Variants in KCNIP4 observed in about 807,000 individuals in gnomAD.
KCNIP4 encodes Kv channel-interacting protein 4.
In KCNIP4, 12 loss-of-function variants were observed where a neutral mutation model predicts 34.0. The observed-to-expected ratio is 0.35, with a 90% CI of 0.23 to 0.57. The LOEUF (loss-of-function observed/expected upper bound fraction) is 0.57. KCNIP4 is among the 20% of genes least tolerant of loss of function. KCNIP4 has a pLI of 0.83. For synonymous variants in KCNIP4, 124 were observed against 102.2 expected, an observed-to-expected ratio of 1.21 and a Z score of -1.29; for missense variants, 238 against 311.7, an observed-to-expected ratio of 0.76 and a Z score of 1.78.
intron 1 of KCNIP4, among the ~76,000 whole-genome samples, chr4:20,931,463 A>C (rs941617997): frequency 2.6e-5 from 4 of 152,100 alleles, no homozygotes; most frequent in African/African-American, 9.7e-5. Flanking sequence ...CTACTACACA[A>C]CTAGTCTATG....
chr4:21,797,420 C>T (rs985501922), intron 1 of KCNIP4, among the ~76,000 whole-genome samples: 10 of 152,130 alleles, frequency 6.6e-5, no homozygotes, highest in African/African-American at 2.2e-4. Context: ...GCTGGAATTA[C>T]AGGTATGAGC....
chr4:21,711,318 A>G, intron 1 of KCNIP4, among the ~76,000 whole-genome samples: 1 of 152,154 alleles, frequency 6.6e-6, no homozygotes, highest in East Asian at 1.9e-4. Context: ...CAAAAAATAC[A>G]AAAATTAGTT....
intron 3 of KCNIP4, among the ~76,000 whole-genome samples, chr4:20,762,256 T>C (rs986562087): frequency 1.3e-4 from 20 of 152,140 alleles, no homozygotes; most frequent in African/African-American, 4.1e-4. Context: ...AGGACACTTA[T>C]CTAATTCATG....
At chr4:21,374,528 G>A (rs1456656868) in intron 1 of KCNIP4, among the ~76,000 whole-genome samples, 1 of 147,262 alleles carries the variant, frequency 6.8e-6, no homozygotes. Context: ...AGAGATTTGG[G>A]TGGGGACATA....
At chr4:21,747,944 G>C (rs1577934853) in intron 1 of KCNIP4, among the ~76,000 whole-genome samples, 2 of 152,100 alleles carry the variant, frequency 1.3e-5, no homozygotes, top group African/African-American at 4.8e-5. Flanking sequence ...CAGAGGCTAA[G>C]GTGAGAGCAA....
chr4:21,260,794 A>G (rs912586922), intron 1 of KCNIP4, among the ~76,000 whole-genome samples: 3 of 152,194 alleles, frequency 2.0e-5, no homozygotes, highest in African/African-American at 7.2e-5. Flanking sequence ...TCCAACTATA[A>G]TTCAAACTCT....
chr4:21,346,284 T>TAGAATTC (rs1717411284), intron 1 of KCNIP4, among the ~76,000 whole-genome samples: 3 of 113,378 alleles, frequency 2.6e-5, no homozygotes, highest in Non-Finnish European at 5.2e-5. Flanking sequence ...ATAATATATA[T>TAGAATTC]TCACATTTGT....
chr4:21,397,440 G>A (rs1244322905), intron 1 of KCNIP4, among the ~76,000 whole-genome samples: 1 of 152,074 alleles, frequency 6.6e-6, no homozygotes, highest in Non-Finnish European at 1.5e-5. Flanking sequence ...ATGTATGCAG[G>A]GCTTAACACC....
intron 1 of KCNIP4, among the ~76,000 whole-genome samples, chr4:20,915,005 C>T (rs1370731642): frequency 1.3e-5 from 2 of 152,158 alleles, no homozygotes; most frequent in Non-Finnish European, 2.9e-5. Context: ...GCTTACACAA[C>T]CTTGCAGTAA....
chr4:21,675,897 T>A (rs1459114967), intron 1 of KCNIP4, among the ~76,000 whole-genome samples: 2 of 152,172 alleles, frequency 1.3e-5, no homozygotes, highest in African/African-American at 4.8e-5. Context: ...AATATATGTA[T>A]CATATACCTG....
At chr4:21,817,696 G>C (rs567478875) in intron 1 of KCNIP4, among the ~76,000 whole-genome samples, 52 of 152,256 alleles carry the variant, frequency 3.4e-4, no homozygotes, top group African/African-American at 1.2e-3. Context: ...ATGCAGTTGA[G>C]ATAAGGACTG....
intron 1 of KCNIP4, among the ~76,000 whole-genome samples, chr4:21,942,271 T>C (rs1335528884): frequency 6.6e-6 from 1 of 152,208 alleles, no homozygotes; most frequent in African/African-American, 2.4e-5. Context: ...GTGGTGGATG[T>C]GGTGGTGTAG....
chr4:21,712,832 C>T (rs1456336799), intron 1 of KCNIP4, among the ~76,000 whole-genome samples: 5 of 152,018 alleles, frequency 3.3e-5, no homozygotes, highest in Admixed American at 6.6e-5. Context: ...GTCTTCATTG[C>T]CCTCCTTTTT....
intron 3 of KCNIP4, among the ~76,000 whole-genome samples, chr4:20,810,235 A>G (rs529238835): frequency 6.6e-5 from 10 of 152,288 alleles, no homozygotes; most frequent in African/African-American, 2.2e-4. Flanking sequence ...TTTTGTGGAG[A>G]AAATGAGAGG....
rs184966159 is a variant in KCNIP4, at chr4:20,956,903, T to C, written c.62-74194A>G. Among the ~76,000 whole-genome samples, 370 of 152,278 alleles carry C rather than the reference T, an allele frequency of 2.4e-3. 2 individuals are homozygous for C. The highest frequency in any genetic ancestry group is 0.021 in the South Asian group (102 of 4,824). The stretch of plus-strand genomic sequence containing the variant: ...AGAATAACACAAATAACTGCTAGCA[T>C]TTGCATAGCATCTATTATATCAAAA... On this transcript the variant is annotated intron_variant, in intron 1 of 8. Transcript: ENST00000382152.
At chr4:21,422,607 A>C (rs1725573573) in intron 1 of KCNIP4, among the ~76,000 whole-genome samples, 1 of 151,938 alleles carries the variant, frequency 6.6e-6, no homozygotes, top group African/African-American at 2.4e-5. Flanking sequence ...AGAGAAAGCA[A>C]GGATGGTCAC....
chr4:21,679,043 G>C (rs1750137753), intron 1 of KCNIP4, among the ~76,000 whole-genome samples: 1 of 152,082 alleles, frequency 6.6e-6, no homozygotes, highest in African/African-American at 2.4e-5. Context: ...TAGTGACAAG[G>C]TGGCCATCTG....
At chr4:21,532,448 A>T (rs1472213991) in intron 1 of KCNIP4, among the ~76,000 whole-genome samples, 1 of 152,176 alleles carries the variant, frequency 6.6e-6, no homozygotes, top group Non-Finnish European at 1.5e-5. Flanking sequence ...ACACCAAGTT[A>T]TTTCGAAATG....
In KCNIP4 at chr4:21,196,630, T is replaced by C. The variant is rs1031614336; in HGVS notation, c.62-313921A>G. On this transcript the variant is annotated intron_variant, in intron 1 of 8. Coordinates refer to ENST00000382152, the MANE Select transcript of KCNIP4 (RefSeq NM_025221.6). ...TGACACTTGGTTTGCTGTTCTGATA[T>C]TGCCATCAATAAATTCTTAACAATA... Among the ~76,000 whole-genome samples the C allele has an allele frequency of 5.3e-5, 8 of 152,228 alleles. No individual in the cohort carries two copies. In the East Asian group the frequency reaches 9.6e-4, roughly 18 times the overall value.
Sources: gnomAD v4.1 joint callset for allele counts (sites outside exome capture counted in the v4.1 genomes callset) on GRCh38, gnomAD v4.1.1 for gene constraint, MANE v1.5 for transcripts, NCBI Gene and HGNC (gene_info 2026-07-23, HGNC 2026-07-21) for gene names.